The following IL16 variants were observed in gnomAD, a reference collection of about 807,000 sequenced individuals.
The protein encoded by IL16 is interleukin 16.
A neutral mutation model predicts 110.1 loss-of-function variants in IL16; 67 were observed. The ratio of observed to expected loss-of-function variants is 0.61; its 90% CI spans 0.50 to 0.75. IL16 has a LOEUF of 0.75. Ranked by LOEUF, IL16 falls within the 30% of genes least tolerant of loss-of-function variation. IL16 has a pLI of 0.00. For missense variants in IL16, 1,545 were observed against 1,655.0 expected, an observed-to-expected ratio of 0.93 and a Z score of 1.15; for synonymous variants, 689 against 662.9, an observed-to-expected ratio of 1.04 and a Z score of -0.61.
rs1376716172 is a variant in IL16, at chr15:81,306,433, A to G, written c.3693A>G (p.Thr1231=). Residue 1231 remains threonine, a synonymous_variant, in exon 18 of 19, where the codon ACA becomes ACG. Coordinates refer to ENST00000683961, the MANE Select transcript of IL16 (RefSeq NM_172217.5). ...TGTTTTTCTCAGCAGCAGAGGCCAC[A>G]GTCTGCACGGTGACACTGGAGAAGA... ...DVSVESTAEA[T]VCTVTLEKMS... 3 of 1,614,116 alleles carry G rather than the reference A, an allele frequency of 1.9e-6. No individual in the cohort carries two copies. Among genetic ancestry groups the G allele is most frequent in the Admixed American group, 1.7e-5 (1 of 60,034 alleles).
At chr15:81,301,195 G>T (rs1175114902) in intron 14 of IL16, 149 bp from the exon 15 acceptor site, 1 of 603,538 alleles carries the variant, frequency 1.7e-6, no homozygotes, top group Non-Finnish European at 2.9e-6. Flanking sequence ...TAGAGTGAAG[G>T]TATGCTAGTA....
intron 6 of IL16, among the ~76,000 whole-genome samples, chr15:81,276,805 A>G (rs2142276476): frequency 6.6e-6 from 1 of 152,336 alleles, no homozygotes; most frequent in East Asian, 1.9e-4. Context: ...TGGGAATCCC[A>G]TAGAAAAACA....
At position 81,225,191 on chromosome 15, in the gene IL16, C is replaced by T. The variant is rs1896745308; in HGVS notation, c.-101-108C>T. ...CTTAAAGGATGATCTGCCCATCTGTCCTGCTTCACGGGCACCAAGAACCCG... is the reference window on the plus strand; with the variant it reads ...CTTAAAGGATGATCTGCCCATCTGTTCTGCTTCACGGGCACCAAGAACCCG... On this transcript the variant is annotated intron_variant, in intron 1 of 18. Coordinates refer to ENST00000683961, the MANE Select transcript of IL16 (RefSeq NM_172217.5). The T allele has an allele frequency of 9.2e-6, 8 of 870,086 alleles. No individual in the cohort carries two copies. In the East Asian group the frequency reaches 1.9e-4, roughly 21 times the overall value. 53.9% of individuals were successfully genotyped at this position (870,086 alleles called of 1,614,324 possible).
Position 81,308,806 on chromosome 15 carries a change from A to C in IL16, c.*8A>C, listed in dbSNP as rs1191260741. 1.2e-6 allele frequency: 2 copies of C among 1,606,734 alleles called. No individual in the cohort carries two copies. Among genetic ancestry groups the C allele is most frequent in the Non-Finnish European group, 1.7e-6 (2 of 1,177,372 alleles). On this transcript the variant is annotated 3_prime_UTR_variant, in exon 19 of 19. Coordinates refer to ENST00000683961, the MANE Select transcript of IL16 (RefSeq NM_172217.5). ...GCTGCTGGAGACTCCTAGGCAGGAC[A>C]TGCTGAAGCCAAAGCCAATAACACA... is the stretch of plus-strand genomic sequence containing the variant.
intron 9 of IL16, among the ~76,000 whole-genome samples, chr15:81,283,887 C>T (rs1053804284): frequency 9.9e-5 from 15 of 151,712 alleles, no homozygotes; most frequent in African/African-American, 3.6e-4. Flanking sequence ...CCTGTAATCC[C>T]AGTTACTTGG....
chr15:81,222,606 G>A (rs1262928033), intron 1 of IL16, among the ~76,000 whole-genome samples: 1 of 151,678 alleles, frequency 6.6e-6, no homozygotes, highest in Non-Finnish European at 1.5e-5. Flanking sequence ...CTACATGGTC[G>A]CCCTCAGCAT....
At chr15:81,235,709 C>T (rs997603824) in intron 2 of IL16, among the ~76,000 whole-genome samples, 4 of 152,126 alleles carry the variant, frequency 2.6e-5, no homozygotes, top group South Asian at 4.1e-4. Context: ...CACGGTGGAG[C>T]ACAGAACTGA....
At chr15:81,291,346 ATTTC>A (rs1316161292) in intron 11 of IL16, among the ~76,000 whole-genome samples, 12 of 152,068 alleles carry the variant, frequency 7.9e-5, no homozygotes, top group Admixed American at 7.9e-4. Flanking sequence ...GACAGTAGTT[ATTTC>A]TGGCTGATAG....
chr15:81,225,367 A>G lies in IL16; in HGVS notation c.-33A>G, dbSNP rs773559808. On this transcript the variant is annotated 5_prime_UTR_variant, in exon 2 of 19. Coordinates refer to ENST00000683961, the MANE Select transcript of IL16 (RefSeq NM_172217.5). ...TCAGCCAAGGGCCAGAGACCAGGAA[A>G]GGAAGAAAGGCAGCTTCACTTCCTC... The G allele has an allele frequency of 1.9e-6, 3 of 1,608,068 alleles. No individual in the cohort carries two copies. Among genetic ancestry groups the G allele is most frequent in the Non-Finnish European group, 2.5e-6 (3 of 1,178,412 alleles).
chr15:81,313,518 G>A lies in IL16; in HGVS notation c.*4720G>A, dbSNP rs747389916. ...GAAATGGCCATGATACAGTGATCGC[G>A]TCTCATCCCTTGCTGTGCCCTCCAC... On this transcript the variant is annotated 3_prime_UTR_variant, in exon 19 of 19. Transcript: ENST00000683961. The A allele has an allele frequency of 2.4e-5, 25 of 1,031,474 alleles. No individual in the cohort carries two copies. Among genetic ancestry groups the A allele is most frequent in the Non-Finnish European group, 3.2e-5 (24 of 752,364 alleles). The allele number at this position is 1,031,474 out of a possible 1,614,324, so 63.9% of individuals were successfully genotyped here.
chr15:81,284,371 A>G (rs1421316635), intron 9 of IL16, among the ~76,000 whole-genome samples: 2 of 152,156 alleles, frequency 1.3e-5, no homozygotes, highest in African/African-American at 4.8e-5. Flanking sequence ...TCTGAATTAG[A>G]AAGGGATTTG....
chr15:81,290,810 C>T (rs1049104294), intron 11 of IL16, among the ~76,000 whole-genome samples: 15 of 152,126 alleles, frequency 9.9e-5, no homozygotes, highest in African/African-American at 2.9e-4. Flanking sequence ...TGGTCTCCAC[C>T]GTTCCCTTTA....
chr15:81,199,692 T>C (rs764634178), intron 1 of IL16, among the ~76,000 whole-genome samples: 17 of 151,976 alleles, frequency 1.1e-4, no homozygotes, highest in Non-Finnish European at 2.4e-4. Context: ...GGTTCAAGGC[T>C]CCCCTGAGAA....
In IL16 at chr15:81,308,769, A is replaced by G; in HGVS notation, c.3970A>G (p.Lys1324Glu). 6.2e-7 allele frequency: 1 copy of G among 1,613,786 alleles called. No individual in the cohort carries two copies. Among genetic ancestry groups the G allele is most frequent in the Non-Finnish European group, 8.5e-7 (1 of 1,179,940 alleles). ...IVIRRKSLQS[K>E]ETTAAGDS ...CATCAGGAGAAAAAGCCTCCAGTCC[A>G]AGGAAACCACAGCTGCTGGAGACTC... The change falls in exon 19 of 19, where the codon AAG becomes GAG. Residue 1324 changes from lysine to glutamate, a missense_variant. By Grantham distance (56) the Lys-to-Glu change is moderately conservative (BLOSUM62 1). Transcript: ENST00000683961.
Position 81,311,740 on chromosome 15 carries a change from G to C in IL16, c.*2942G>C, listed in dbSNP as rs1258544072. Reference sequence around the variant, plus strand: ...GATATAGAACAGTGCTTGCCACAGAGCGGGGACTCGGTAAGCACTTAATGA... The same window carrying C: ...GATATAGAACAGTGCTTGCCACAGACCGGGGACTCGGTAAGCACTTAATGA... On this transcript the variant is annotated 3_prime_UTR_variant, in exon 19 of 19. Transcript: ENST00000683961. 3 of 152,246 alleles carry C rather than the reference G, an allele frequency of 2.0e-5. No individual in the cohort carries two copies. Among genetic ancestry groups the C allele is most frequent in the African/African-American group, 7.2e-5 (3 of 41,458 alleles). The allele number at this position is 152,246 out of a possible 1,614,324, so 9.4% of individuals were successfully genotyped here. A position where few individuals can be genotyped will look rare whatever the true frequency, so the allele number is the denominator to read the frequency against.
At chr15:81,208,449 C>T (rs1427705601) in intron 1 of IL16, among the ~76,000 whole-genome samples, 1 of 152,180 alleles carries the variant, frequency 6.6e-6, no homozygotes, top group Non-Finnish European at 1.5e-5. Flanking sequence ...GCCTCAGCCT[C>T]CAGAGTAGCT....
At chr15:81,263,631 CCCA>C (rs756921748) in intron 3 of IL16, among the ~76,000 whole-genome samples, 10 of 152,164 alleles carry the variant, frequency 6.6e-5, no homozygotes, top group Non-Finnish European at 1.3e-4. Flanking sequence ...AACTGGAACC[CCCA>C]CACAAGTGGA....
intron 2 of IL16, among the ~76,000 whole-genome samples, chr15:81,252,532 G>A (rs1273822200): frequency 1.3e-5 from 2 of 152,046 alleles, no homozygotes; most frequent in Non-Finnish European, 2.9e-5. Flanking sequence ...AATGTTAAAT[G>A]GTTTTTAGTA....
intron 2 of IL16, among the ~76,000 whole-genome samples, chr15:81,239,966 G>A (rs1210245153): frequency 4.6e-5 from 7 of 152,038 alleles, no homozygotes; most frequent in African/African-American, 1.7e-4. Context: ...TTATATTGTT[G>A]TCTATTAAAT....
Sources: gnomAD v4.1 joint callset for allele counts (sites outside exome capture counted in the v4.1 genomes callset) on GRCh38, gnomAD v4.1.1 for gene constraint, MANE v1.5 for transcripts, NCBI Gene and HGNC (gene_info 2026-07-23, HGNC 2026-07-21) for gene names.